CCDC57: variants seen among roughly 807,000 people sequenced by gnomAD.
CCDC57 encodes the protein coiled-coil domain containing 57, also known as coiled-coil domain-containing protein 57.
A neutral mutation model predicts 118.9 loss-of-function variants in CCDC57; 118 were observed. The observed-to-expected ratio is 0.99, with a 90% CI of 0.86 to 1.16. The LOEUF is 1.16. Ranked by LOEUF, CCDC57 falls within the 50% of genes most tolerant of loss-of-function variation. The pLI, the probability that CCDC57 is intolerant of heterozygous loss-of-function variation, is 0.00. For synonymous variants in CCDC57, 527 were observed against 532.9 expected (o/e 0.99, Z 0.15); for missense variants, 1,300 against 1,320.7 (o/e 0.98, Z 0.24).
chr17:82,210,865 G>A (rs2050131099), intron 1 of CCDC57, among the ~76,000 whole-genome samples: 1 of 150,062 alleles, frequency 6.7e-6, no homozygotes, highest in Non-Finnish European at 1.5e-5. Flanking sequence ...GTGGTGGTGG[G>A]CGGCTGTAAT....
chr17:82,139,438 C>T (rs547595834), intron 16 of CCDC57, among the ~76,000 whole-genome samples: 1 of 152,148 alleles, frequency 6.6e-6, no homozygotes, highest in East Asian at 1.9e-4. Flanking sequence ...TCACTGCAAC[C>T]TCCGCCTCCT....
chr17:82,184,031 G>GCGCCCGCACACACA, intron 8 of CCDC57, 99 bp from the exon 8 acceptor site: 1 of 125,852 alleles, frequency 7.9e-6, no homozygotes. Context: ...GCGCGCGCGC[G>GCGCCCGCACACACA]CACACACACA....
chr17:82,202,808 A>T (rs776382262), intron 2 of CCDC57, among the ~76,000 whole-genome samples: 1 of 152,174 alleles, frequency 6.6e-6, no homozygotes, highest in Non-Finnish European at 1.5e-5. Flanking sequence ...GGAAGGGAAG[A>T]TGGGAAACAT....
chr17:82,157,805 C>T (rs778271337), exon 15 of CCDC57: 19 of 1,605,210 alleles, frequency 1.2e-5, no homozygotes, highest in South Asian at 5.6e-5. Flanking sequence ...CTGAAGGCTC[C>T]GCTCCCCCGT....
rs376537144 is a variant in CCDC57, at chr17:82,120,083, A to C, written c.2899+7609T>G. Among the ~76,000 whole-genome samples, 56 of 152,286 alleles carry C rather than the reference A, an allele frequency of 3.7e-4. 1 individual carries two copies. The East Asian group carries it at 0.011, about 29-fold the overall frequency. ...CACAGCTGTGTGACGTCGTGACTAA[A>C]CACCATATCCTACAATAGTCGTTCA... On this transcript the variant is annotated intron_variant, in intron 19 of 19. Coordinates refer to ENST00000665763, the Ensembl canonical transcript of CCDC57.
chr17:82,103,390 T>G (rs913975232), intron 19 of CCDC57, among the ~76,000 whole-genome samples: 1 of 152,104 alleles, frequency 6.6e-6, no homozygotes, highest in African/African-American at 2.4e-5. Flanking sequence ...ATTCCTCCTC[T>G]TCACACAAAG....
chr17:82,156,073 AT>A (rs1335300463), intron 15 of CCDC57: 20 of 152,100 alleles, frequency 1.3e-4, no homozygotes, highest in African/African-American at 4.8e-4. Context: ...AGGCAGGCAG[AT>A]CACTTGAAAC....
At chr17:82,149,687 A>G (rs1471934662) in intron 16 of CCDC57, among the ~76,000 whole-genome samples, 1 of 152,006 alleles carries the variant, frequency 6.6e-6, no homozygotes, top group Non-Finnish European at 1.5e-5. Context: ...CCTTCCTGAG[A>G]AGGCTGCGTC....
intron 4 of CCDC57, among the ~76,000 whole-genome samples, chr17:82,195,611 G>A (rs922360039): frequency 1.1e-4 from 16 of 151,342 alleles, no homozygotes; most frequent in Admixed American, 8.6e-4. Flanking sequence ...AGGCCCTGTC[G>A]CTACAGAAAA....
chr17:82,132,860 A>C (rs547933795), intron 17 of CCDC57, among the ~76,000 whole-genome samples: 1 of 149,590 alleles, frequency 6.7e-6, no homozygotes, highest in Non-Finnish European at 1.5e-5. Flanking sequence ...CCTGGGTTCA[A>C]GCAATTCTCC....
chr17:82,203,775 C>T (rs926992637), intron 2 of CCDC57, among the ~76,000 whole-genome samples: 1 of 152,244 alleles, frequency 6.6e-6, no homozygotes, highest in Non-Finnish European at 1.5e-5. Flanking sequence ...AAAAGGGCCA[C>T]ACCCAGTTGG....
At chr17:82,144,619 G>A (rs569274568) in intron 16 of CCDC57, among the ~76,000 whole-genome samples, 2 of 152,310 alleles carry the variant, frequency 1.3e-5, no homozygotes, top group South Asian at 2.1e-4. Flanking sequence ...GCAGGCCTGG[G>A]AAGAGCTTCA....
At chr17:82,173,953 C>T (rs1052903562) in intron 11 of CCDC57, among the ~76,000 whole-genome samples, 4 of 152,180 alleles carry the variant, frequency 2.6e-5, no homozygotes, top group Non-Finnish European at 5.9e-5. Context: ...TCTTTCCCTG[C>T]GGCTGTGAAC....
At chr17:82,110,436 C>T (rs1284366186) in intron 19 of CCDC57, among the ~76,000 whole-genome samples, 1 of 152,210 alleles carries the variant, frequency 6.6e-6, no homozygotes, top group Non-Finnish European at 1.5e-5. Context: ...CCATGTTCCT[C>T]AAAAACAAAC....
chr17:82,134,008 T>A (rs930025632), intron 17 of CCDC57, 65 bp downstream of exon 16: 9 of 1,295,984 alleles, frequency 6.9e-6, no homozygotes, highest in African/African-American at 1.5e-5. Flanking sequence ...GAAGTTTCTG[T>A]AATGAAAACG....
chr17:82,112,229 T>C (rs2035316963), intron 19 of CCDC57: 1 of 152,192 alleles, frequency 6.6e-6, no homozygotes, highest in South Asian at 2.1e-4. Context: ...CCACCTCGGC[T>C]TCCCAAAGTT....
At chr17:82,109,984 G>GTT (rs530570604) in intron 19 of CCDC57, among the ~76,000 whole-genome samples, 17 of 140,866 alleles carry the variant, frequency 1.2e-4, no homozygotes, top group South Asian at 2.3e-4. Flanking sequence ...AAAGAAGTCT[G>GTT]TTTTTTTTTT....
At chr17:82,173,655 T>C (rs1447482984) in intron 11 of CCDC57, among the ~76,000 whole-genome samples, 2 of 151,014 alleles carry the variant, frequency 1.3e-5, no homozygotes, top group Non-Finnish European at 2.9e-5. Context: ...AGAAAGAAAA[T>C]CATACCAAAC....
chr17:82,111,970 CTTTTG>C (rs201983605), intron 19 of CCDC57: 1,599 of 150,856 alleles, frequency 0.011, 34 homozygotes, highest in African/African-American at 0.036. Context: ...GGTGTTTTTT[CTTTTG>C]TTTTGTTTTG....
Sources: allele counts gnomAD v4.1 joint callset (sites outside exome capture counted in the v4.1 genomes callset), GRCh38; gene constraint gnomAD v4.1.1; transcripts MANE v1.5; gene names NCBI Gene and HGNC (gene_info 2026-07-23, HGNC 2026-07-21).